The following TRPC3 variants were observed in gnomAD, a reference collection of about 807,000 sequenced individuals.
TRPC3 encodes transient receptor potential cation channel subfamily C member 3.
Under a neutral mutation model 90.9 loss-of-function variants are expected in TRPC3, and 54 were observed. The observed-to-expected ratio is 0.59, with a 90% confidence interval of 0.48 to 0.75. TRPC3 has a LOEUF of 0.75. TRPC3 is among the 30% of genes least tolerant of loss of function. The probability of loss-of-function intolerance (pLI) is 0.00; values close to 1 mark genes in which losing one functional copy is unlikely to be tolerated. For synonymous variants in TRPC3, 424 were observed against 450.9 expected (o/e 0.94, Z 0.75); for missense variants, 918 against 1,194.5 (o/e 0.77, Z 3.41).
chr4:121,943,082 GCT>G (rs1730372572), intron 1 of TRPC3, among the ~76,000 whole-genome samples: 1 of 152,128 alleles, frequency 6.6e-6, no homozygotes, highest in African/African-American at 2.4e-5. Context: ...ATCTCCATAT[GCT>G]TGGCTTTTAG....
intron 3 of TRPC3, 110 bp from the exon 4 acceptor site, chr4:121,915,054 T>G: frequency 1.1e-6 from 1 of 950,598 alleles, no homozygotes; most frequent in Non-Finnish European, 1.5e-6. Flanking sequence ...TAAAGCATAT[T>G]TTTTCTAGCA....
intron 1 of TRPC3, among the ~76,000 whole-genome samples, chr4:121,945,097 G>A (rs1411092014): frequency 1.3e-5 from 2 of 152,226 alleles, no homozygotes; most frequent in African/African-American, 4.8e-5. Context: ...GTGGTACTAA[G>A]ATGATTTTAG....
chr4:121,945,888 A>G, intron 1 of TRPC3, among the ~76,000 whole-genome samples: 1 of 152,204 alleles, frequency 6.6e-6, no homozygotes, highest in East Asian at 1.9e-4. Context: ...TAGGAAAAAA[A>G]CCCCTGGATC....
Position 121,951,450 on chromosome 4 carries a change from C to G in TRPC3, c.215+16G>C. 1 of 1,202,734 alleles carries G rather than the reference C, an allele frequency of 8.3e-7. No individual in the cohort carries two copies. The highest frequency in any genetic ancestry group is 1.0e-6 in the Non-Finnish European group (1 of 968,522). 74.5% of individuals were successfully genotyped at this position (1,202,734 alleles called of 1,614,324 possible). A position where few individuals can be genotyped will look rare whatever the true frequency, so the allele number is the denominator to read the frequency against. ...CGCCCTCCGAGGCGCGGGCCGCGGCCGGGCCCGGTACTCACAGGTCCGGCC... is the reference window on the plus strand; with the variant it reads ...CGCCCTCCGAGGCGCGGGCCGCGGCGGGGCCCGGTACTCACAGGTCCGGCC... On this transcript the variant is annotated intron_variant, in intron 1 of 11. Coordinates refer to ENST00000379645, the MANE Select transcript of TRPC3 (RefSeq NM_001130698.2). This position sits in a 1 kb window ranked among gnomAD's most constrained non-coding sequence, Gnocchi z 4.4.
At chr4:121,892,947 C>T (rs565737695) in intron 10 of TRPC3, among the ~76,000 whole-genome samples, 24 of 151,760 alleles carry the variant, frequency 1.6e-4, no homozygotes, top group African/African-American at 5.6e-4. Flanking sequence ...ATGGTAAAAC[C>T]CAATCTCTAC....
At chr4:121,910,547 T>C (rs1048661859) in intron 5 of TRPC3, among the ~76,000 whole-genome samples, 160 bp from the exon 6 acceptor site, 6 of 152,170 alleles carry the variant, frequency 3.9e-5, no homozygotes, top group Non-Finnish European at 5.9e-5. Flanking sequence ...ACTGAGGCCC[T>C]GTGCAGAGTT....
At position 121,875,642 on chromosome 4, in the gene TRPC3, C is replaced by T. The variant is rs1727742002; in HGVS notation, c.*4094G>A. 6.6e-6 allele frequency among the ~76,000 whole-genome samples: 1 copy of T among 151,084 alleles called. No individual in the cohort carries two copies. Among genetic ancestry groups the T allele is most frequent in the Admixed American group, 6.6e-5 (1 of 15,140 alleles). On this transcript the variant is annotated 3_prime_UTR_variant, in exon 12 of 12. Coordinates refer to ENST00000379645, the MANE Select transcript of TRPC3 (RefSeq NM_001130698.2). ...GACAAATTTGCAGAATTACCATGCA[C>T]CTCAGTAATTTATAACCTTATGTTA...
At chr4:121,927,243 T>G (rs1729752986) in intron 2 of TRPC3, among the ~76,000 whole-genome samples, 1 of 152,222 alleles carries the variant, frequency 6.6e-6, no homozygotes, top group Non-Finnish European at 1.5e-5. Context: ...TACACTGCCA[T>G]GGACTGCCAT....
chr4:121,900,351 C>A lies in TRPC3; in HGVS notation c.2464-656G>T, dbSNP rs141781218. On this transcript the variant is annotated intron_variant, in intron 9 of 11. Transcript: ENST00000379645. ...CATGTATACGAGCAGGGCCTCTTAT[C>A]TGTGGCCAAGCTCTGCCACTGTAAG... Among the ~76,000 whole-genome samples the A allele has an allele frequency of 1.5e-3, 231 of 152,310 alleles. 1 individual carries two copies. The Middle Eastern group carries it at 0.017, about 11-fold the overall frequency.
At chr4:121,927,052 G>T (rs150981350) in intron 2 of TRPC3, among the ~76,000 whole-genome samples, 1 of 152,092 alleles carries the variant, frequency 6.6e-6, no homozygotes, top group Non-Finnish European at 1.5e-5. Context: ...TTGTTTGTTT[G>T]TTTGTCTGAA....
chr4:121,947,499 G>A (rs1730533953), intron 1 of TRPC3, among the ~76,000 whole-genome samples: 1 of 152,114 alleles, frequency 6.6e-6, no homozygotes, highest in Non-Finnish European at 1.5e-5. Flanking sequence ...AGTGTTTTAG[G>A]TAATCTGAGT....
chr4:121,947,557 G>A (rs1411943917), intron 1 of TRPC3, among the ~76,000 whole-genome samples: 1 of 152,166 alleles, frequency 6.6e-6, no homozygotes, highest in Non-Finnish European at 1.5e-5. Flanking sequence ...ATATAAAGGT[G>A]AGTATCAGAA....
At chr4:121,899,760 C>A (rs1656885136) in intron 9 of TRPC3, 65 bp from the exon 10 acceptor site, 1 of 1,223,280 alleles carries the variant, frequency 8.2e-7, no homozygotes, top group Non-Finnish European at 1.2e-6. Context: ...AAATATAATC[C>A]ATTTATTCTC....
chr4:121,921,521 C>CAAAAA (rs536564094), intron 3 of TRPC3, among the ~76,000 whole-genome samples: 3 of 56,912 alleles, frequency 5.3e-5, no homozygotes, highest in Admixed American at 2.2e-4. Flanking sequence ...GACTCCGTCT[C>CAAAAA]AAAAAAAAAA....
chr4:121,902,135 C>T (rs551031541), intron 9 of TRPC3, among the ~76,000 whole-genome samples: 2 of 152,188 alleles, frequency 1.3e-5, no homozygotes, highest in South Asian at 4.2e-4. Context: ...TAGCTACAGA[C>T]CATTTTCATA....
chr4:121,884,771 C>A (rs1353821079), intron 10 of TRPC3, among the ~76,000 whole-genome samples: 1 of 152,140 alleles, frequency 6.6e-6, no homozygotes, highest in Non-Finnish European at 1.5e-5. Context: ...AGACTCACAG[C>A]TGGATGGATC....
chr4:121,921,923 T>G (rs995278572), intron 3 of TRPC3, among the ~76,000 whole-genome samples: 13 of 123,714 alleles, frequency 1.1e-4, no homozygotes, highest in South Asian at 2.9e-4. Flanking sequence ...TTTTTTGTTT[T>G]TTTTTTTTTT....
intron 10 of TRPC3, among the ~76,000 whole-genome samples, chr4:121,896,155 T>C (rs954458933): frequency 2.0e-5 from 3 of 152,070 alleles, no homozygotes; most frequent in Admixed American, 1.3e-4. Context: ...AAATTAGGTA[T>C]AGAAAGAAAG....
At chr4:121,936,616 G>A (rs1191850202) in intron 1 of TRPC3, among the ~76,000 whole-genome samples, 2 of 152,210 alleles carry the variant, frequency 1.3e-5, no homozygotes, top group Admixed American at 6.5e-5. Context: ...TGGAGACAGA[G>A]CCTTTGGGAG....
Sources: gnomAD v4.1 joint callset for allele counts (sites outside exome capture counted in the v4.1 genomes callset) on GRCh38, gnomAD v4.1.1 for gene constraint, Gnocchi (gnomAD v3.1) non-coding constraint, MANE v1.5 for transcripts, NCBI Gene and HGNC (gene_info 2026-07-23, HGNC 2026-07-21) for gene names.